Variants in B3GNT2 observed in about 807,000 individuals in gnomAD.
The protein encoded by B3GNT2 is N-acetyllactosaminide beta-1,3-N-acetylglucosaminyltransferase 2.
Under a neutral mutation model 27.6 loss-of-function variants are expected in B3GNT2, and 12 were observed. That is an observed-to-expected ratio of 0.44 (90% CI 0.28 to 0.71). The LOEUF (loss-of-function observed/expected upper bound fraction) is 0.71, where lower values mean the gene tolerates loss of function less well. Ranked by LOEUF, B3GNT2 falls within the 30% of genes least tolerant of loss-of-function variation. The probability of loss-of-function intolerance (pLI) is 0.17; values close to 1 mark genes in which losing one functional copy is unlikely to be tolerated. For synonymous variants in B3GNT2, 192 were observed against 189.7 expected, an observed-to-expected ratio of 1.01 and a Z score of -0.10; for missense variants, 413 against 488.5, an observed-to-expected ratio of 0.85 and a Z score of 1.46.
chr2:62,209,460 G>A (rs954050289), intron 1 of B3GNT2, among the ~76,000 whole-genome samples: 1 of 152,148 alleles, frequency 6.6e-6, no homozygotes, highest in African/African-American at 2.4e-5. Context: ...ATGAATTCAT[G>A]TGCATGTTGT....
At chr2:62,206,371 G>T (rs1389522009) in intron 1 of B3GNT2, among the ~76,000 whole-genome samples, 3 of 152,196 alleles carry the variant, frequency 2.0e-5, no homozygotes, top group African/African-American at 7.2e-5. Flanking sequence ...AGACACCTCA[G>T]TCACCACTTG....
intron 1 of B3GNT2, among the ~76,000 whole-genome samples, chr2:62,220,434 T>G (rs1349729869): frequency 6.6e-6 from 1 of 152,258 alleles, no homozygotes; most frequent in Non-Finnish European, 1.5e-5. Flanking sequence ...TGATCTCATC[T>G]GGGCTCTCTA....
At chr2:62,207,823 G>A (rs986456157) in intron 1 of B3GNT2, among the ~76,000 whole-genome samples, 7 of 152,166 alleles carry the variant, frequency 4.6e-5, no homozygotes, top group Admixed American at 1.3e-4. Flanking sequence ...ACCATGGACC[G>A]CTAGGGGTCC....
chr2:62,210,574 T>C (rs9636441), intron 1 of B3GNT2, among the ~76,000 whole-genome samples: 62,874 of 151,568 alleles, frequency 0.41, 15,644 homozygotes, highest in African/African-American at 0.7. Flanking sequence ...TTCGAGACCA[T>C]CCTGGCTAAT....
At chr2:62,201,361 G>A (rs527996555) in intron 1 of B3GNT2, among the ~76,000 whole-genome samples, 1 of 152,332 alleles carries the variant, frequency 6.6e-6, no homozygotes, top group South Asian at 2.1e-4. Flanking sequence ...CTGGTTTATG[G>A]TCAATTATGG....
chr2:62,207,924 A>G (rs1310519676), intron 1 of B3GNT2, among the ~76,000 whole-genome samples: 2 of 152,118 alleles, frequency 1.3e-5, no homozygotes, highest in African/African-American at 4.8e-5. Flanking sequence ...TTAATATTAA[A>G]GTGCTTGTTT....
rs141839875 is a variant in B3GNT2, at chr2:62,202,963, A to G, written c.-10+6608A>G. ...GCTCCCCCTGCCTGGAACTATCCTC[A>G]CCTCTTCTCTGAGAGGAGGTTTTCT... On this transcript the variant is annotated intron_variant, in intron 1 of 1. Coordinates refer to ENST00000301998, the MANE Select transcript of B3GNT2 (RefSeq NM_006577.6). 2.0e-3 allele frequency among the ~76,000 whole-genome samples: 299 copies of G among 151,736 alleles called. 1 individual carries two copies. The highest frequency in any genetic ancestry group is 6.9e-3 in the African/African-American group (285 of 41,314).
Position 62,209,996 on chromosome 2 carries a change from C to T in B3GNT2, c.-9-12216C>T, listed in dbSNP as rs1443897889. Among the ~76,000 whole-genome samples the T allele has an allele frequency of 2.0e-5, 3 of 152,156 alleles. No homozygotes were observed. In the South Asian group the frequency reaches 6.2e-4, roughly 32 times the overall value. ...GTTACCAGACCAGGACCCCTGGATA[C>T]GTTAAACCATTGGGTGATTCCCGAC... On this transcript the variant is annotated intron_variant, in intron 1 of 1. Coordinates refer to ENST00000301998, the MANE Select transcript of B3GNT2 (RefSeq NM_006577.6).
In B3GNT2 at chr2:62,222,498, T is replaced by G; in HGVS notation, c.278T>G (p.Leu93Arg). 6.2e-7 allele frequency: 1 copy of G among 1,614,206 alleles called. No homozygotes were observed. Among genetic ancestry groups the G allele is most frequent in the Non-Finnish European group, 8.5e-7 (1 of 1,180,042 alleles). Reference sequence around the variant, plus strand: ...GGCAGGCTCTCCAATATAAGCCATCTGAACTACTGCGAACCTGACCTGAGG... The same window carrying G: ...GGCAGGCTCTCCAATATAAGCCATCGGAACTACTGCGAACCTGACCTGAGG... The part of the protein sequence containing the change: ...EAGRLSNISH[L>R]NYCEPDLRVT... Residue 93 changes from leucine to arginine, a missense_variant, in exon 2 of 2, where the codon CTG (leucine) becomes CGG (arginine). Coordinates refer to ENST00000301998, the MANE Select transcript of B3GNT2 (RefSeq NM_006577.6). The surrounding 1 kb of genome is among the most constrained non-coding windows in gnomAD (Gnocchi z 4.2).
chr2:62,198,899 T>C (rs74860414), intron 1 of B3GNT2, among the ~76,000 whole-genome samples: 2,460 of 152,264 alleles, frequency 0.016, 65 homozygotes, highest in African/African-American at 0.057. Context: ...AAAGAAAAGG[T>C]GAATCTTCTG....
At position 62,223,031 on chromosome 2, in the gene B3GNT2, T is replaced by C; in HGVS notation, c.811T>C (p.Phe271Leu). The C allele has an allele frequency of 1.2e-6, 2 of 1,613,926 alleles. No individual in the cohort carries two copies. Among genetic ancestry groups the C allele is most frequent in the Non-Finnish European group, 8.5e-7 (1 of 1,179,764 alleles). Residue 271 changes from phenylalanine to leucine, a missense_variant, in exon 2 of 2, where the codon TTC (phenylalanine) becomes CTC (leucine). Coordinates refer to ENST00000301998, the MANE Select transcript of B3GNT2 (RefSeq NM_006577.6). ...SLSKTKAKDL[F>L]IGDVIHNAGP... ...ATCCAAGACCAAAGCCAAAGATCTC[T>C]TCATAGGTGATGTGATCCACAATGC...
chr2:62,217,682 G>T (rs1324778497), intron 1 of B3GNT2, among the ~76,000 whole-genome samples: 1 of 152,214 alleles, frequency 6.6e-6, no homozygotes, highest in Non-Finnish European at 1.5e-5. Context: ...GGTCCCCAGC[G>T]TGCGGCGGAA....
intron 1 of B3GNT2, among the ~76,000 whole-genome samples, chr2:62,207,727 C>G (rs1207017315): frequency 1.3e-5 from 2 of 152,190 alleles, no homozygotes; most frequent in Non-Finnish European, 2.9e-5. Context: ...TCAAGCTGAT[C>G]TGACAGGAGG....
At chr2:62,218,081 ATTC>A (rs202154469) in intron 1 of B3GNT2, among the ~76,000 whole-genome samples, 1,957 of 152,336 alleles carry the variant, frequency 0.013, 15 homozygotes, top group Non-Finnish European at 0.021. Flanking sequence ...GTTTTCTTAA[ATTC>A]TTCTTACGCA....
At chr2:62,216,401 T>C (rs1419207638) in intron 1 of B3GNT2, among the ~76,000 whole-genome samples, 1 of 137,396 alleles carries the variant, frequency 7.3e-6, no homozygotes, top group Non-Finnish European at 1.5e-5. Context: ...TTCTGATTTT[T>C]CTTTTTTTTT....
chr2:62,217,929 C>T (rs1415397714), intron 1 of B3GNT2, among the ~76,000 whole-genome samples: 1 of 152,170 alleles, frequency 6.6e-6, no homozygotes, highest in East Asian at 1.9e-4. Flanking sequence ...AGTTTCAAAA[C>T]TGTTCTGTCC....
intron 1 of B3GNT2, among the ~76,000 whole-genome samples, chr2:62,201,651 G>A (rs2104184074): frequency 6.6e-6 from 1 of 152,250 alleles, no homozygotes; most frequent in Admixed American, 6.5e-5. Flanking sequence ...GTAGTACTTG[G>A]CATTCTTTCT....
intron 1 of B3GNT2, among the ~76,000 whole-genome samples, chr2:62,196,815 AG>A (rs1364959668): frequency 6.6e-6 from 1 of 151,604 alleles, no homozygotes; most frequent in Non-Finnish European, 1.5e-5. Context: ...CATTTCGGGG[AG>A]GGGGGCGCGC....
chr2:62,206,302 T>C (rs1436332875), intron 1 of B3GNT2, among the ~76,000 whole-genome samples: 2 of 152,136 alleles, frequency 1.3e-5, no homozygotes, highest in African/African-American at 4.8e-5. Flanking sequence ...CTCTACTTTT[T>C]CTGGGAACAT....
Sources: allele counts gnomAD v4.1 joint callset (sites outside exome capture counted in the v4.1 genomes callset), GRCh38; gene constraint gnomAD v4.1.1; non-coding constraint Gnocchi (gnomAD v3.1); transcripts MANE v1.5; gene names NCBI Gene and HGNC (gene_info 2026-07-23, HGNC 2026-07-21).